Variants in NEMP2 observed in about 807,000 individuals in gnomAD.
The protein encoded by NEMP2 is UPF0571 transmembrane protein.
A neutral mutation model predicts 54.2 loss-of-function variants in NEMP2; 53 were observed. That is an observed-to-expected ratio of 0.98 (90% confidence interval 0.78 to 1.23). The LOEUF (loss-of-function observed/expected upper bound fraction) is 1.23, where lower values mean the gene tolerates loss of function less well. Among genes scored for constraint, NEMP2 ranks in the 50% most tolerant of loss-of-function variants. The pLI is 0.00. For synonymous variants in NEMP2, 197 were observed against 190.3 expected (o/e 1.04, Z -0.29); for missense variants, 455 against 511.3 (o/e 0.89, Z 1.06).
chr2:190,509,073 C>T lies in NEMP2; in HGVS notation c.*116G>A. ...TCCCTTTCCAGACTGACTTGTTTTTCTCCACAGCAAATGTTTTTGCCACCG... is the reference window on the plus strand; with the variant it reads ...TCCCTTTCCAGACTGACTTGTTTTTTTCCACAGCAAATGTTTTTGCCACCG... On this transcript the variant is annotated 3_prime_UTR_variant, in exon 9 of 9. Transcript: ENST00000409150. This position sits in a 1 kb window ranked among gnomAD's most constrained non-coding sequence, Gnocchi z 6.1. 1 of 1,435,632 alleles carries T rather than the reference C, an allele frequency of 7.0e-7. No individual in the cohort carries two copies. The highest frequency in any genetic ancestry group is 2.7e-5 in the Admixed American group (1 of 36,748). The allele number at this position is 1,435,632 out of a possible 1,614,324, so 88.9% of individuals were successfully genotyped here.
the NEMP2 span, among the ~76,000 whole-genome samples, chr2:190,554,149 C>G: frequency 6.6e-6 from 1 of 152,196 alleles, no homozygotes; most frequent in Non-Finnish European, 1.5e-5. This position sits in a 1 kb window ranked among gnomAD's most constrained non-coding sequence, Gnocchi z 5.7. Context: ...TCCCACAGTC[C>G]TCACAACCCA....
At chr2:190,451,089 AG>A in the NEMP2 span, among the ~76,000 whole-genome samples, 1 of 152,196 alleles carries the variant, frequency 6.6e-6, no homozygotes, top group East Asian at 1.9e-4. The surrounding 1 kb of genome is among the most constrained non-coding windows in gnomAD (Gnocchi z 5.0). Flanking sequence ...ATCGTTGAGT[AG>A]TGTAGTAGTT....
the NEMP2 span, among the ~76,000 whole-genome samples, chr2:190,461,317 G>A: frequency 6.6e-6 from 1 of 152,134 alleles, no homozygotes; most frequent in Non-Finnish European, 1.5e-5. This position sits in a 1 kb window ranked among gnomAD's most constrained non-coding sequence, Gnocchi z 5.5. Flanking sequence ...ACATTCAAAA[G>A]GTATTTAGTA....
At chr2:190,518,622 A>G (rs12053190) in intron 4 of NEMP2, 114 bp downstream of exon 4, 153,435 of 869,238 alleles carry the variant, frequency 0.18, 14,554 homozygotes, top group East Asian at 0.33. Context: ...TGTTTGCAAA[A>G]CCTAAAGTAA....
the NEMP2 span, among the ~76,000 whole-genome samples, chr2:190,640,787 ATTTTTTTTTTTTTTTTTTTTTTTTT>A: frequency 3.8e-4 from 45 of 118,020 alleles, no homozygotes; most frequent in African/African-American, 6.2e-4. Context: ...AACACATTCA[ATTTTTTTTTTTTTTTTTTTTTTTTT>A]TTTTTTTTTT....
chr2:190,571,892 C>T, the NEMP2 span, among the ~76,000 whole-genome samples: 28 of 152,220 alleles, frequency 1.8e-4, no homozygotes, highest in African/African-American at 6.7e-4. Context: ...CCTGTTGCCC[C>T]AGGGCTGCAT....
In NEMP2 at chr2:190,509,345, G is replaced by A; in HGVS notation, c.1131-33C>T. The A allele has an allele frequency of 1.3e-6, 2 of 1,546,218 alleles. No individual in the cohort carries two copies. Among genetic ancestry groups the A allele is most frequent in the Non-Finnish European group, 1.8e-6 (2 of 1,142,576 alleles). On this transcript the variant is annotated intron_variant, in intron 8 of 8. Coordinates refer to ENST00000409150, the MANE Select transcript of NEMP2 (RefSeq NM_001142645.2). This position sits in a 1 kb window ranked among gnomAD's most constrained non-coding sequence, Gnocchi z 6.1. ...GTTTTTTGTTTTAAATAAAGTTAAT[G>A]TTATCTCAGGAAGGTTTATTTGAAA... is the stretch of plus-strand genomic sequence containing the variant.
At chr2:190,563,751 G>T in the NEMP2 span, among the ~76,000 whole-genome samples, 1 of 152,178 alleles carries the variant, frequency 6.6e-6, no homozygotes, top group African/African-American at 2.4e-5. This position sits in a 1 kb window ranked among gnomAD's most constrained non-coding sequence, Gnocchi z 4.3. Context: ...TAATGATGGT[G>T]TCTGAGCTAT....
upstream of NEMP2, chr2:190,536,086 A>G (rs546166264): frequency 2.4e-4 from 36 of 152,388 alleles, no homozygotes; most frequent in Admixed American, 5.2e-4. Context: ...TGCTATTTAT[A>G]TCACAGATCC....
chr2:190,433,027 A>C, the NEMP2 span, among the ~76,000 whole-genome samples: 1 of 152,054 alleles, frequency 6.6e-6, no homozygotes, highest in South Asian at 2.1e-4. This position sits in a 1 kb window ranked among gnomAD's most constrained non-coding sequence, Gnocchi z 4.5. Context: ...TCTTTTACCA[A>C]TTGTTTACTT....
At position 190,534,589 on chromosome 2, in the gene NEMP2, G is replaced by A; in HGVS notation, c.67C>T (p.Arg23Cys). Residue 23 changes from arginine (R) to cysteine (C), a missense_variant, in exon 1 of 9, where the codon CGC (arginine) becomes TGC (cysteine). Arg to Cys is a radical substitution (Grantham distance 180). This residue lies in a region of NEMP2 where 100 missense variants were observed against 80.2 expected (regional missense o/e 1.25). Transcript: ENST00000409150. Reference protein sequence around the residue: ...WLPPLATLPVRGEAAAAALSV... With the variant: ...WLPPLATLPVCGEAAAAALSV... Reference sequence around the variant, plus strand: ...AACGCTGCCGCCGCCGCCTCCCCGCGCACGGGCAGTGTGGCCAGGGGCGGC... The same window carrying A: ...AACGCTGCCGCCGCCGCCTCCCCGCACACGGGCAGTGTGGCCAGGGGCGGC... The A allele has an allele frequency of 1.4e-6, 2 of 1,396,194 alleles. No individual in the cohort carries two copies. Among genetic ancestry groups the A allele is most frequent in the Non-Finnish European group, 1.9e-6 (2 of 1,080,398 alleles). The allele number at this position is 1,396,194 out of a possible 1,614,324, so 86.5% of individuals were successfully genotyped here.
chr2:190,514,760 G>T lies in NEMP2; in HGVS notation c.728-82C>A, dbSNP rs898779115. On this transcript the variant is annotated intron_variant, in intron 6 of 8. Transcript: ENST00000409150. This position sits in a 1 kb window ranked among gnomAD's most constrained non-coding sequence, Gnocchi z 5.7. ...AAACCTGGCAGAGCCTTGACTTAAA[G>T]GTAAAAACTATTAGAGAACCTTAAT... 3.1e-5 allele frequency: 41 copies of T among 1,316,892 alleles called. No homozygotes were observed. Among genetic ancestry groups the T allele is most frequent in the Middle Eastern group, 1.9e-4 (1 of 5,236 alleles). 81.6% of individuals were successfully genotyped at this position (1,316,892 alleles called of 1,614,324 possible).
At chr2:190,478,962 G>A in the NEMP2 span, among the ~76,000 whole-genome samples, 1 of 152,168 alleles carries the variant, frequency 6.6e-6, no homozygotes. Flanking sequence ...CAAAAGATGT[G>A]CCTCATTCTA....
At chr2:190,485,541 G>GA in the NEMP2 span, among the ~76,000 whole-genome samples, 69 of 151,668 alleles carry the variant, frequency 4.5e-4, no homozygotes, top group South Asian at 2.9e-3. This position sits in a 1 kb window ranked among gnomAD's most constrained non-coding sequence, Gnocchi z 5.1. Flanking sequence ...TGTGGTTAAT[G>GA]AAAAAAAATC....
the NEMP2 span, among the ~76,000 whole-genome samples, chr2:190,555,387 A>G: frequency 4.6e-5 from 7 of 152,094 alleles, no homozygotes; most frequent in Non-Finnish European, 1.0e-4. The surrounding 1 kb of genome is among the most constrained non-coding windows in gnomAD (Gnocchi z 4.8). Flanking sequence ...CTAAAGGAGC[A>G]TGTTCTAACC....
chr2:190,592,523 A>C, the NEMP2 span, among the ~76,000 whole-genome samples: 5 of 152,186 alleles, frequency 3.3e-5, no homozygotes, highest in Admixed American at 2.6e-4. The surrounding 1 kb of genome is among the most constrained non-coding windows in gnomAD (Gnocchi z 4.4). Context: ...AATAACAACA[A>C]CACTTTTTGC....
rs1203286517 is a variant in NEMP2, at chr2:190,527,567, C to G, written c.98-2189G>C. ...GTTTCTAAATATATCAAGAAATTTG[C>G]AGAGTTTGAGAGTCCAAGATGCAAA... On this transcript the variant is annotated intron_variant, in intron 1 of 8. Coordinates refer to ENST00000409150, the MANE Select transcript of NEMP2 (RefSeq NM_001142645.2). The surrounding 1 kb of genome is among the most constrained non-coding windows in gnomAD (Gnocchi z 4.0). Among the ~76,000 whole-genome samples, 1 of 152,048 alleles carries G rather than the reference C, an allele frequency of 6.6e-6. No individual in the cohort carries two copies. The highest frequency in any genetic ancestry group is 1.5e-5 in the Non-Finnish European group (1 of 68,012).
chr2:190,574,733 C>G, the NEMP2 span, among the ~76,000 whole-genome samples: 1 of 150,072 alleles, frequency 6.7e-6, no homozygotes, highest in African/African-American at 2.5e-5. Flanking sequence ...TCTTTCCTTT[C>G]TTTCTCTTCC....
chr2:190,476,971 G>C, the NEMP2 span, among the ~76,000 whole-genome samples: 3 of 146,534 alleles, frequency 2.0e-5, no homozygotes, highest in African/African-American at 7.6e-5. Context: ...ACCAAACACC[G>C]CATGTTCTCA....
Sources: gnomAD v4.1 joint callset for allele counts (sites outside exome capture counted in the v4.1 genomes callset) on GRCh38, gnomAD v4.1.1 for gene constraint, gnomAD v4.1.1 regional missense constraint, Gnocchi (gnomAD v3.1) non-coding constraint, MANE v1.5 for transcripts, NCBI Gene and HGNC (gene_info 2026-07-23, HGNC 2026-07-21) for gene names.